The following PCDHGA10 variants were observed in gnomAD, a reference collection of about 807,000 sequenced individuals.
PCDHGA10 encodes protocadherin gamma subfamily A, 10, also known as protocadherin gamma-A10.
Under a neutral mutation model 59.5 loss-of-function variants are expected in PCDHGA10, and 42 were observed. The ratio of observed to expected loss-of-function variants is 0.71; its 90% CI spans 0.55 to 0.91. The LOEUF (loss-of-function observed/expected upper bound fraction) is 0.91. Ranked by LOEUF, PCDHGA10 falls within the 40% of genes least tolerant of loss-of-function variation. PCDHGA10 has a pLI of 0.00. For missense variants in PCDHGA10, 1,111 were observed against 1,198.2 expected, an observed-to-expected ratio of 0.93 and a Z score of 1.07; for synonymous variants, 511 against 517.2, an observed-to-expected ratio of 0.99 and a Z score of 0.16.
chr5:141,484,096 G>A (rs539388257), intron 1 of PCDHGA10, among the ~76,000 whole-genome samples: 1 of 152,126 alleles, frequency 6.6e-6, no homozygotes, highest in South Asian at 2.1e-4. Flanking sequence ...GTCTTCGTTG[G>A]TAATTAACAA....
intron 1 of PCDHGA10, among the ~76,000 whole-genome samples, chr5:141,445,814 T>C (rs1554133709): frequency 6.6e-6 from 1 of 152,182 alleles, no homozygotes; most frequent in Non-Finnish European, 1.5e-5. Context: ...TAGATGAAAC[T>C]AATAAGGCAG....
intron 1 of PCDHGA10, among the ~76,000 whole-genome samples, chr5:141,463,135 C>T (rs1352400365): frequency 6.6e-6 from 1 of 152,246 alleles, no homozygotes; most frequent in Middle Eastern, 3.4e-3. Context: ...GGCAGTTCTT[C>T]GCCCAGCTGC....
At chr5:141,428,097 C>T (rs2097109296) in intron 1 of PCDHGA10, 2 of 1,608,758 alleles carry the variant, frequency 1.2e-6, no homozygotes, top group African/African-American at 1.3e-5. Flanking sequence ...GCTGTCCTAC[C>T]ACGTGCTGCA....
chr5:141,430,477 A>G (rs1329218924), intron 1 of PCDHGA10: 1 of 244,524 alleles, frequency 4.1e-6, no homozygotes, highest in Non-Finnish European at 7.7e-6. Context: ...TATTTAAGAT[A>G]TAAAAACGAA....
chr5:141,473,362 C>A (rs2099320242), intron 1 of PCDHGA10, among the ~76,000 whole-genome samples: 1 of 152,166 alleles, frequency 6.6e-6, no homozygotes, highest in Admixed American at 6.5e-5. Context: ...AAGTGGCCAC[C>A]AAAATAGCAT....
In PCDHGA10 at chr5:141,491,736, G is replaced by T; in HGVS notation, c.2437-3071G>T. The T allele has an allele frequency of 6.2e-7, 1 of 1,600,560 alleles. No individual in the cohort carries two copies. Among genetic ancestry groups the T allele is most frequent in the Non-Finnish European group, 8.5e-7 (1 of 1,174,270 alleles). ...CGGCGCCGCCCCGGGCGACCCCTGG[G>T]GGCGGCACTGGAGAAGCCGCCCGTC... On this transcript the variant is annotated intron_variant, in intron 1 of 3. Coordinates refer to ENST00000398610, the MANE Select transcript of PCDHGA10 (RefSeq NM_018913.3). This position sits in a 1 kb window ranked among gnomAD's most constrained non-coding sequence, Gnocchi z 6.9.
chr5:141,435,593 G>T (rs183768133), intron 1 of PCDHGA10, among the ~76,000 whole-genome samples: 1 of 152,112 alleles, frequency 6.6e-6, no homozygotes, highest in East Asian at 1.9e-4. Flanking sequence ...CAGTAATATC[G>T]CCTGCTTTTT....
At chr5:141,436,632 G>T (rs763510513) in intron 1 of PCDHGA10, among the ~76,000 whole-genome samples, 2 of 152,130 alleles carry the variant, frequency 1.3e-5, no homozygotes, top group Non-Finnish European at 2.9e-5. Context: ...TTCACAACAT[G>T]CAATTAATTA....
At chr5:141,418,449 A>C in intron 1 of PCDHGA10, 1 of 1,614,040 alleles carries the variant, frequency 6.2e-7, no homozygotes, top group Non-Finnish European at 8.5e-7. Context: ...TTAGTATTGC[A>C]GAAGACTCTG....
At position 141,431,423 on chromosome 5, in the gene PCDHGA10, C is replaced by T; in HGVS notation, c.2436+15812C>T. The T allele has an allele frequency of 3.1e-6, 5 of 1,613,670 alleles. No individual in the cohort carries two copies. Among genetic ancestry groups the T allele is most frequent in the Non-Finnish European group, 4.2e-6 (5 of 1,180,030 alleles). ...GGCCTCCGACGGGGGCGACCCGGTG[C>T]GCACAGGCACCGCGCGCATCCGCGT... On this transcript the variant is annotated intron_variant, in intron 1 of 3. Coordinates refer to ENST00000398610, the MANE Select transcript of PCDHGA10 (RefSeq NM_018913.3). This position sits in a 1 kb window ranked among gnomAD's most constrained non-coding sequence, Gnocchi z 4.8.
chr5:141,430,629 C>A, intron 1 of PCDHGA10: 1 of 812,246 alleles, frequency 1.2e-6, no homozygotes. Context: ...AGGAATGAAC[C>A]ATCCCTGGGA....
At chr5:141,422,782 C>CG in intron 1 of PCDHGA10, 1 of 1,614,090 alleles carries the variant, frequency 6.2e-7, no homozygotes, top group South Asian at 1.1e-5. Context: ...CTATGCCCTA[C>CG]AATCCTTCGA....
intron 1 of PCDHGA10, among the ~76,000 whole-genome samples, chr5:141,460,307 C>A (rs1025049001): frequency 6.6e-6 from 1 of 152,102 alleles, no homozygotes; most frequent in African/African-American, 2.4e-5. Context: ...TATTCAAAAA[C>A]TCCTTGCCTA....
At chr5:141,497,203 G>C (rs750138875) in intron 2 of PCDHGA10, among the ~76,000 whole-genome samples, 3 of 91,718 alleles carry the variant, frequency 3.3e-5, no homozygotes, top group African/African-American at 2.8e-4. Flanking sequence ...AACAATGTGA[G>C]TGTAATGGGG....
At chr5:141,450,004 C>CTTTAT (rs2098662217) in intron 1 of PCDHGA10, among the ~76,000 whole-genome samples, 1 of 75,148 alleles carries the variant, frequency 1.3e-5, no homozygotes, top group Non-Finnish European at 2.3e-5. Flanking sequence ...GTTGCCATGT[C>CTTTAT]TCTTTTTTTT....
At position 141,419,527 on chromosome 5, in the gene PCDHGA10, C is replaced by G. The variant is rs755936657; in HGVS notation, c.2436+3916C>G. ...TGCGCGTGTTGGTGGGCGACCGTAA[C>G]GACAACGCACCGCGGGTGCTGTACC... is the stretch of plus-strand genomic sequence containing the variant. On this transcript the variant is annotated intron_variant, in intron 1 of 3. Transcript: ENST00000398610. The G allele has an allele frequency of 6.8e-5, 110 of 1,612,064 alleles. 2 individuals carry two copies. In the South Asian group the frequency reaches 9.6e-4, roughly 14 times the overall value.
intron 3 of PCDHGA10, among the ~76,000 whole-genome samples, chr5:141,510,375 G>A (rs980966602): frequency 3.4e-5 from 5 of 148,132 alleles, no homozygotes; most frequent in East Asian, 2.0e-4. Context: ...ATCTCTACTC[G>A]TGCCAGGCCT....
At position 141,490,646 on chromosome 5, in the gene PCDHGA10, C is replaced by G. The variant is rs202183643; in HGVS notation, c.2437-4161C>G. The G allele has an allele frequency of 8.7e-6, 14 of 1,614,068 alleles. No homozygotes were observed. In the African/African-American group the frequency reaches 1.7e-4, roughly 20 times the overall value. ...GCTTACATCCTAGAAAACCGGCCTC[C>G]GGGCTCCCTTCTTTGCACTGTGGCT... On this transcript the variant is annotated intron_variant, in intron 1 of 3. Coordinates refer to ENST00000398610, the MANE Select transcript of PCDHGA10 (RefSeq NM_018913.3). This position sits in a 1 kb window ranked among gnomAD's most constrained non-coding sequence, Gnocchi z 5.4.
intron 1 of PCDHGA10, among the ~76,000 whole-genome samples, chr5:141,469,414 A>C (rs1455286338): frequency 1.3e-5 from 2 of 152,118 alleles, no homozygotes; most frequent in Non-Finnish European, 2.9e-5. Flanking sequence ...GTTTCTACTA[A>C]AAATATAAAA....
Sources: gnomAD v4.1 joint callset for allele counts (sites outside exome capture counted in the v4.1 genomes callset) on GRCh38, gnomAD v4.1.1 for gene constraint, Gnocchi (gnomAD v3.1) non-coding constraint, MANE v1.5 for transcripts, NCBI Gene and HGNC (gene_info 2026-07-23, HGNC 2026-07-21) for gene names.